The following MET variants were observed in gnomAD, a reference collection of about 807,000 sequenced individuals.
MET encodes the protein MET proto-oncogene, receptor tyrosine kinase, also known as hepatocyte growth factor receptor.
MET carries 48 observed loss-of-function variants against 133.1 expected under a neutral mutation model. The observed-to-expected ratio is 0.36, with a 90% CI of 0.29 to 0.46. MET has a LOEUF of 0.46. MET is among the 20% of genes least tolerant of loss of function. The pLI, the probability that MET is intolerant of heterozygous loss-of-function variation, is 1.00. For missense variants in MET, 1,442 were observed against 1,695.9 expected (o/e 0.85, Z 2.63); for synonymous variants, 628 against 616.5 (o/e 1.02, Z -0.28).
At chr7:116,727,101 T>C (rs1792822913) in intron 2 of MET, among the ~76,000 whole-genome samples, 1 of 152,200 alleles carries the variant, frequency 6.6e-6, no homozygotes, top group African/African-American at 2.4e-5. Context: ...AGAGCCAAGC[T>C]GATTAGTACA....
chr7:116,731,906 G>A (rs777182688), intron 3 of MET, 47 bp downstream of exon 3: 4 of 1,592,612 alleles, frequency 2.5e-6, no homozygotes, highest in Non-Finnish European at 3.4e-6. Context: ...CTGGTATTGT[G>A]CAATTAATTT....
At position 116,757,749 on chromosome 7, in the gene MET, G is replaced by A. The variant is rs758616831; in HGVS notation, c.2077G>A (p.Gly693Ser). 6.2e-7 allele frequency: 1 copy of A among 1,613,706 alleles called. No homozygotes were observed. The highest frequency in any genetic ancestry group is 1.1e-5 in the South Asian group (1 of 91,022). The change falls in exon 8 of 21, where the codon GGT (glycine) becomes AGT (serine). Residue 693 changes from glycine to serine, a missense_variant. Transcript: ENST00000397752. ...NSGNSRHISIGGKTCTLKSVS... is the reference protein window; with the variant it reads ...NSGNSRHISISGKTCTLKSVS... ...TGGGAATTCTAGACACATTTCAATT[G>A]GTGGAAAAACATGTACTTTAAAAAG... is the stretch of plus-strand genomic sequence containing the variant.
chr7:116,741,750 A>G, intron 5 of MET, among the ~76,000 whole-genome samples: 1 of 152,250 alleles, frequency 6.6e-6, no homozygotes, highest in African/African-American at 2.4e-5. Flanking sequence ...TCTGTAAGCC[A>G]TGCCACTCTT....
intron 2 of MET, among the ~76,000 whole-genome samples, chr7:116,715,444 T>C (rs1792153914): frequency 6.6e-6 from 1 of 152,198 alleles, no homozygotes; most frequent in Non-Finnish European, 1.5e-5. Flanking sequence ...CCTCTTCTTA[T>C]AAGGACAACA....
chr7:116,756,682 T>C (rs539336123), intron 6 of MET, among the ~76,000 whole-genome samples: 1 of 152,224 alleles, frequency 6.6e-6, no homozygotes, highest in Non-Finnish European at 1.5e-5. Context: ...TTCATTATCA[T>C]TTAAGTAATT....
chr7:116,718,419 A>T (rs540731785), intron 2 of MET, among the ~76,000 whole-genome samples: 1 of 152,182 alleles, frequency 6.6e-6, no homozygotes, highest in East Asian at 1.9e-4. Context: ...ATTTTAAAAA[A>T]TAAATAAAAT....
chr7:116,778,344 T>C (rs1289733281), intron 16 of MET, among the ~76,000 whole-genome samples: 6 of 152,260 alleles, frequency 3.9e-5, no homozygotes, highest in African/African-American at 1.2e-4. Flanking sequence ...TAATAAGCTT[T>C]AAGTGCACAA....
chr7:116,772,427 G>A (rs983375839), intron 14 of MET, among the ~76,000 whole-genome samples: 1 of 152,114 alleles, frequency 6.6e-6, no homozygotes, highest in African/African-American at 2.4e-5. Context: ...TGAACTGTTA[G>A]TACACAGCCT....
At chr7:116,789,601 T>C (rs1193304569) in intron 19 of MET, among the ~76,000 whole-genome samples, 1 of 152,180 alleles carries the variant, frequency 6.6e-6, no homozygotes, top group Non-Finnish European at 1.5e-5. Context: ...GAAAACCAGA[T>C]TTATTTTCTG....
At chr7:116,768,019 T>G (rs900163055) in intron 11 of MET, among the ~76,000 whole-genome samples, 1 of 150,400 alleles carries the variant, frequency 6.6e-6, no homozygotes, top group East Asian at 1.9e-4. Context: ...TACATATGTG[T>G]GTGTGTGTAT....
At chr7:116,679,567 A>T (rs546889837) in intron 1 of MET, among the ~76,000 whole-genome samples, 2 of 152,308 alleles carry the variant, frequency 1.3e-5, no homozygotes, top group African/African-American at 4.8e-5. Flanking sequence ...TGCACAGAAA[A>T]AGGGCAGGTC....
At chr7:116,769,513 G>A in intron 11 of MET, 132 bp from the exon 12 acceptor site, 3 of 1,088,010 alleles carry the variant, frequency 2.8e-6, no homozygotes, top group Non-Finnish European at 2.7e-6. Context: ...ATGAAAATTA[G>A]TATCATAGAA....
chr7:116,755,580 T>C (rs2116911928), intron 6 of MET, 65 bp downstream of exon 6: 1 of 1,595,280 alleles, frequency 6.3e-7, no homozygotes, highest in East Asian at 2.2e-5. Flanking sequence ...TGAATGAATA[T>C]TTCTTTTAAA....
chr7:116,745,121 T>G (rs1584927720), intron 5 of MET, among the ~76,000 whole-genome samples: 1 of 152,054 alleles, frequency 6.6e-6, no homozygotes, highest in South Asian at 2.1e-4. Context: ...CACAAGCATT[T>G]TTATACACCA....
intron 19 of MET, among the ~76,000 whole-genome samples, chr7:116,790,159 C>T (rs1795439737): frequency 6.6e-6 from 1 of 152,174 alleles, no homozygotes; most frequent in South Asian, 2.1e-4. Flanking sequence ...TGCATACAAC[C>T]ATTTTTAAAT....
chr7:116,684,221 A>G (rs1189478343), intron 1 of MET, among the ~76,000 whole-genome samples: 1 of 152,264 alleles, frequency 6.6e-6, no homozygotes, highest in Non-Finnish European at 1.5e-5. Context: ...TCCATATTGA[A>G]TAATTCCCAC....
intron 2 of MET, among the ~76,000 whole-genome samples, chr7:116,720,494 T>C (rs1416255127): frequency 4.6e-5 from 6 of 130,598 alleles, no homozygotes; most frequent in African/African-American, 1.6e-4. Flanking sequence ...TCCTGCCTGA[T>C]TGCCCTGGCC....
At chr7:116,745,617 A>G (rs1407874753) in intron 5 of MET, among the ~76,000 whole-genome samples, 6 of 152,346 alleles carry the variant, frequency 3.9e-5, no homozygotes, top group East Asian at 3.9e-4. Flanking sequence ...GCCCTCAGAA[A>G]TAATACCACA....
chr7:116,687,695 C>T (rs1461311002), intron 1 of MET, among the ~76,000 whole-genome samples: 2 of 152,216 alleles, frequency 1.3e-5, no homozygotes, highest in African/African-American at 4.8e-5. Context: ...GTGTCAGAGT[C>T]TACTTGCAAA....
Sources: gnomAD v4.1 joint callset for allele counts (sites outside exome capture counted in the v4.1 genomes callset) on GRCh38, gnomAD v4.1.1 for gene constraint, MANE v1.5 for transcripts, NCBI Gene and HGNC (gene_info 2026-07-23, HGNC 2026-07-21) for gene names.